Variants in LCLAT1 observed in about 807,000 individuals in gnomAD.
LCLAT1 encodes lysocardiolipin acyltransferase 1.
In LCLAT1, 11 loss-of-function variants were observed where a neutral mutation model predicts 30.7. The observed-to-expected ratio is 0.36, with a 90% CI of 0.23 to 0.59. The LOEUF (loss-of-function observed/expected upper bound fraction) is 0.59. Among genes scored for constraint, LCLAT1 ranks in the 20% least tolerant of loss-of-function variants. The pLI is 0.77. For missense variants in LCLAT1, 402 were observed against 458.6 expected (o/e 0.88, Z 1.13); for synonymous variants, 155 against 151.3 (o/e 1.02, Z -0.18).
chr2:30,481,528 G>A (rs547139270), intron 1 of LCLAT1, among the ~76,000 whole-genome samples: 3 of 152,310 alleles, frequency 2.0e-5, no homozygotes, highest in South Asian at 2.1e-4. Flanking sequence ...AACCTGGAGA[G>A]TGTTGTCACA....
intron 1 of LCLAT1, chr2:30,459,552 G>C: frequency 8.7e-7 from 1 of 1,151,606 alleles, no homozygotes; most frequent in African/African-American, 1.5e-5. Context: ...CTGTTCACAG[G>C]CTGAAAAACA....
chr2:30,513,772 A>G (rs942016763), intron 1 of LCLAT1, among the ~76,000 whole-genome samples: 19 of 152,328 alleles, frequency 1.2e-4, no homozygotes, highest in East Asian at 3.9e-4. Flanking sequence ...CAGAAACTCA[A>G]AAGAATGCAA....
chr2:30,608,198 C>T (rs1456241013), intron 5 of LCLAT1, among the ~76,000 whole-genome samples: 3 of 151,228 alleles, frequency 2.0e-5, no homozygotes, highest in African/African-American at 7.3e-5. Context: ...GCAGGTGCCT[C>T]TATTCCCATC....
intron 1 of LCLAT1, among the ~76,000 whole-genome samples, chr2:30,478,678 AATAG>A (rs58752932): frequency 0.13 from 19,157 of 151,338 alleles, 1,327 homozygotes; most frequent in South Asian, 0.22. Flanking sequence ...TAAATAAATA[AATAG>A]ATAGATAGGT....
chr2:30,469,438 C>T (rs776627178), intron 1 of LCLAT1, among the ~76,000 whole-genome samples: 1 of 152,118 alleles, frequency 6.6e-6, no homozygotes, highest in African/African-American at 2.4e-5. Flanking sequence ...TTGCATGTAG[C>T]TATCCAGTAG....
At chr2:30,624,193 A>G (rs1234284000) in intron 5 of LCLAT1, among the ~76,000 whole-genome samples, 4 of 152,238 alleles carry the variant, frequency 2.6e-5, no homozygotes, top group Non-Finnish European at 5.9e-5. Context: ...CCTATAAAAC[A>G]ATAACACAAT....
At chr2:30,464,437 G>A (rs1203500836) in intron 1 of LCLAT1, among the ~76,000 whole-genome samples, 1 of 152,094 alleles carries the variant, frequency 6.6e-6, no homozygotes, top group Admixed American at 6.6e-5. Flanking sequence ...TTGGAAAGTA[G>A]TTTGTCTCAA....
chr2:30,572,689 TA>T (rs1316384537), intron 5 of LCLAT1, among the ~76,000 whole-genome samples: 4 of 151,470 alleles, frequency 2.6e-5, no homozygotes, highest in Non-Finnish European at 5.9e-5. Flanking sequence ...TTTCAAATGC[TA>T]AAAAAAATTA....
intron 5 of LCLAT1, among the ~76,000 whole-genome samples, chr2:30,617,278 A>C (rs559658383): frequency 1.3e-5 from 2 of 152,214 alleles, no homozygotes; most frequent in South Asian, 4.1e-4. Context: ...ATATAAATGG[A>C]ATTATATAGT....
At chr2:30,483,421 T>A (rs910962974) in intron 1 of LCLAT1, among the ~76,000 whole-genome samples, 1 of 152,326 alleles carries the variant, frequency 6.6e-6, no homozygotes, top group Non-Finnish European at 1.5e-5. Flanking sequence ...AAATACAACC[T>A]GCCACGCTTA....
Position 30,533,358 on chromosome 2 carries a change from A to T in LCLAT1, c.364+44A>T. The stretch of plus-strand genomic sequence containing the variant: ...ATTTTAAGTGGTTCATTCATTTTAG[A>T]TGTAATGCACCCACTGTAAAACTGA... On this transcript the variant is annotated intron_variant, in intron 3 of 5. Coordinates refer to ENST00000379509, the MANE Select transcript of LCLAT1 (RefSeq NM_001002257.3). 3.3e-6 allele frequency: 5 copies of T among 1,494,684 alleles called. 1 individual carries two copies. The South Asian group carries it at 5.6e-5, about 17-fold the overall frequency. 92.6% of individuals were successfully genotyped at this position (1,494,684 alleles called of 1,614,324 possible).
chr2:30,539,572 A>G (rs1235645252), intron 3 of LCLAT1, among the ~76,000 whole-genome samples: 1 of 152,194 alleles, frequency 6.6e-6, no homozygotes, highest in South Asian at 2.1e-4. Context: ...TTATAAAACT[A>G]TATAAACAAA....
intron 1 of LCLAT1, among the ~76,000 whole-genome samples, chr2:30,521,550 C>T (rs1489981714): frequency 8.8e-6 from 1 of 114,204 alleles, no homozygotes; most frequent in Non-Finnish European, 1.7e-5. Context: ...ACTCTGTCAC[C>T]AGGCTGGAGT....
At chr2:30,501,129 T>G (rs996630505) in intron 1 of LCLAT1, among the ~76,000 whole-genome samples, 2 of 151,594 alleles carry the variant, frequency 1.3e-5, no homozygotes, top group African/African-American at 4.8e-5. Flanking sequence ...TGTAGTTACA[T>G]TTCTTTCCTG....
intron 1 of LCLAT1, among the ~76,000 whole-genome samples, chr2:30,487,451 T>A (rs1409529858): frequency 1.3e-5 from 2 of 152,224 alleles, no homozygotes; most frequent in Non-Finnish European, 2.9e-5. Context: ...TCTCTCTCCC[T>A]TTTTCCCTTC....
At chr2:30,480,175 G>A (rs1003717294) in intron 1 of LCLAT1, among the ~76,000 whole-genome samples, 2 of 152,082 alleles carry the variant, frequency 1.3e-5, no homozygotes, top group Admixed American at 6.6e-5. Flanking sequence ...TAGCAAAAGG[G>A]CCAAAGACTG....
chr2:30,598,501 TATC>T (rs1481282242), intron 5 of LCLAT1, among the ~76,000 whole-genome samples: 2 of 152,092 alleles, frequency 1.3e-5, no homozygotes, highest in Non-Finnish European at 2.9e-5. Flanking sequence ...GATATCCCCT[TATC>T]ATTTTGTATT....
At chr2:30,555,700 G>T (rs945739914) in intron 3 of LCLAT1, among the ~76,000 whole-genome samples, 3 of 151,952 alleles carry the variant, frequency 2.0e-5, no homozygotes, top group African/African-American at 7.3e-5. Context: ...AATGTTGATA[G>T]AATTAGATGT....
chr2:30,527,334 T>G (rs892202039), intron 2 of LCLAT1, among the ~76,000 whole-genome samples: 1 of 152,216 alleles, frequency 6.6e-6, no homozygotes, highest in Non-Finnish European at 1.5e-5. Flanking sequence ...AAGCAAACAT[T>G]CAGAGGTAAA....
Sources: gnomAD v4.1 joint callset for allele counts (sites outside exome capture counted in the v4.1 genomes callset) on GRCh38, gnomAD v4.1.1 for gene constraint, MANE v1.5 for transcripts, NCBI Gene and HGNC (gene_info 2026-07-23, HGNC 2026-07-21) for gene names.